HYCC2: variants seen among roughly 807,000 people sequenced by gnomAD.
HYCC2 encodes the protein hyccin PI4KA lipid kinase complex subunit 2, also known as hyccin 2.
At chr2:201,031,370 G>A in the HYCC2 span, among the ~76,000 whole-genome samples, 3 of 152,048 alleles carry the variant, frequency 2.0e-5, no homozygotes, top group Admixed American at 6.6e-5. Flanking sequence ...TTTAAAAATC[G>A]GCCGGGCACA....
chr2:201,066,461 T>C, the HYCC2 span, among the ~76,000 whole-genome samples: 1 of 152,176 alleles, frequency 6.6e-6, no homozygotes, highest in Admixed American at 6.6e-5. Flanking sequence ...CCTTTTTTCA[T>C]TTAAAAAGTA....
At chr2:201,043,512 CT>C in the HYCC2 span, among the ~76,000 whole-genome samples, 133 of 133,518 alleles carry the variant, frequency 1.0e-3, no homozygotes, top group Non-Finnish European at 1.3e-3. Context: ...TTCTTTTTTT[CT>C]TTTTTTTTTT....
At chr2:201,060,985 T>C in the HYCC2 span, among the ~76,000 whole-genome samples, 1 of 152,130 alleles carries the variant, frequency 6.6e-6, no homozygotes, top group Non-Finnish European at 1.5e-5. Flanking sequence ...GGTAGTTATG[T>C]TCTAAAAAGG....
the HYCC2 span, among the ~76,000 whole-genome samples, chr2:200,986,867 T>C: frequency 2.0e-5 from 3 of 152,306 alleles, no homozygotes; most frequent in East Asian, 3.9e-4. Flanking sequence ...TTGAACACCA[T>C]AGAATTACAG....
chr2:201,053,298 T>A, the HYCC2 span, among the ~76,000 whole-genome samples: 1 of 152,122 alleles, frequency 6.6e-6, no homozygotes, highest in East Asian at 1.9e-4. Flanking sequence ...AATTTTTGTA[T>A]TTTTAGTAGA....
chr2:200,999,577 A>T, the HYCC2 span, among the ~76,000 whole-genome samples: 1 of 151,290 alleles, frequency 6.6e-6, no homozygotes, highest in Non-Finnish European at 1.5e-5. Context: ...TTTAGTAGCG[A>T]CAGGGTTTCA....
the HYCC2 span, chr2:200,988,224 T>C: frequency 2.0e-6 from 3 of 1,536,928 alleles, no homozygotes; most frequent in East Asian, 6.9e-5. Context: ...ATAAATTTAC[T>C]TGACTCCATG....
At chr2:201,065,725 A>G in the HYCC2 span, among the ~76,000 whole-genome samples, 1 of 152,264 alleles carries the variant, frequency 6.6e-6, no homozygotes, top group African/African-American at 2.4e-5. Context: ...TAGAAAGATG[A>G]CAAAAGGGAA....
the HYCC2 span, among the ~76,000 whole-genome samples, chr2:201,039,329 T>G: frequency 6.6e-6 from 1 of 152,380 alleles, no homozygotes. Flanking sequence ...CTGTTGATTT[T>G]GAGCACCTTC....
chr2:201,012,246 G>C, the HYCC2 span, among the ~76,000 whole-genome samples: 1,724 of 152,208 alleles, frequency 0.011, 17 homozygotes, highest in Non-Finnish European at 0.017. Context: ...GATCGCTTCA[G>C]CTCAGAAGTT....
chr2:201,013,225 T>C, the HYCC2 span, among the ~76,000 whole-genome samples: 1 of 151,936 alleles, frequency 6.6e-6, no homozygotes, highest in African/African-American at 2.4e-5. Flanking sequence ...TCCCAGCACT[T>C]TGGGAGGCTG....
chr2:200,991,945 G>T, the HYCC2 span, among the ~76,000 whole-genome samples: 16 of 151,982 alleles, frequency 1.1e-4, no homozygotes, highest in Admixed American at 3.9e-4. Flanking sequence ...TCGGGGCCGG[G>T]GGGGGAGGTG....
At chr2:200,982,196 A>T in the HYCC2 span, among the ~76,000 whole-genome samples, 1 of 151,226 alleles carries the variant, frequency 6.6e-6, no homozygotes, top group Non-Finnish European at 1.5e-5. Flanking sequence ...ATACACTATC[A>T]TTCTTCTTCT....
At chr2:200,988,536 T>G in the HYCC2 span, 2 of 653,656 alleles carry the variant, frequency 3.1e-6, no homozygotes, top group Non-Finnish European at 4.9e-6. Context: ...TAATGTGTAA[T>G]AAACATATCT....
At chr2:200,987,458 C>G in the HYCC2 span, 1 of 1,289,816 alleles carries the variant, frequency 7.8e-7, no homozygotes, top group African/African-American at 1.5e-5. Flanking sequence ...CGTTTGATCC[C>G]TAGGTCAGTG....
chr2:201,001,266 T>C, the HYCC2 span, among the ~76,000 whole-genome samples: 2 of 152,154 alleles, frequency 1.3e-5, no homozygotes, highest in Non-Finnish European at 2.9e-5. Flanking sequence ...TACTAGACAC[T>C]GAATCTGCTG....
the HYCC2 span, among the ~76,000 whole-genome samples, chr2:201,048,213 T>A: frequency 2.0e-5 from 3 of 152,078 alleles, no homozygotes; most frequent in Non-Finnish European, 4.4e-5. Flanking sequence ...GAAGTTGTAA[T>A]TTCTAGGATA....
At chr2:201,011,493 A>C in the HYCC2 span, 31 of 1,267,720 alleles carry the variant, frequency 2.4e-5, no homozygotes, top group South Asian at 4.8e-4. Context: ...AAAATATACA[A>C]AGATAATGAA....
chr2:201,036,130 C>G, the HYCC2 span, among the ~76,000 whole-genome samples: 1 of 152,152 alleles, frequency 6.6e-6, no homozygotes, highest in East Asian at 1.9e-4. Flanking sequence ...CACAAACAAA[C>G]TAGAAAATCT....
Sources: gnomAD v4.1 joint callset for allele counts (sites outside exome capture counted in the v4.1 genomes callset) on GRCh38, gnomAD v4.1.1 for gene constraint, MANE v1.5 for transcripts, NCBI Gene and HGNC (gene_info 2026-07-23, HGNC 2026-07-21) for gene names.